TLR6: variants seen among roughly 807,000 people sequenced by gnomAD.
The protein encoded by TLR6 is toll-like receptor 6.
Under a neutral mutation model 16.1 loss-of-function variants are expected in TLR6, and 9 were observed. The observed-to-expected ratio is 0.56, with a 90% confidence interval of 0.34 to 0.98. The LOEUF (loss-of-function observed/expected upper bound fraction) is 0.98. Ranked by LOEUF, TLR6 falls within the 50% of genes least tolerant of loss-of-function variation. TLR6 has a pLI of 0.02. For synonymous variants in TLR6, 340 were observed against 338.6 expected (o/e 1.00, Z -0.04); for missense variants, 786 against 921.0 (o/e 0.85, Z 1.90).
chr4:38,824,631 T>G (rs1001765620), exon 2 of TLR6: 1 of 152,178 alleles, frequency 6.6e-6, no homozygotes, highest in African/African-American at 2.4e-5. Flanking sequence ...TTAAAAAATC[T>G]GTTCAACAGG....
At chr4:38,830,174 A>G (rs1727757529) in intron 1 of TLR6, among the ~76,000 whole-genome samples, 1 of 152,204 alleles carries the variant, frequency 6.6e-6, no homozygotes, top group Non-Finnish European at 1.5e-5. Flanking sequence ...CTGGCTAAGC[A>G]TTGAGAAAGT....
chr4:38,855,902 C>A (rs976645246), intron 1 of TLR6, among the ~76,000 whole-genome samples: 1 of 150,932 alleles, frequency 6.6e-6, no homozygotes, highest in African/African-American at 2.4e-5. Context: ...TTTTTAAATG[C>A]ATCAAATAAA....
chr4:38,858,885 AAGAG>A (rs373652925), upstream of TLR6, among the ~76,000 whole-genome samples: 16,851 of 66,902 alleles, frequency 0.25, 2,912 homozygotes, highest in African/African-American at 0.38. Context: ...GAAAGAAAGA[AAGAG>A]AGAAAGAAAG....
rs115053251 is a variant in TLR6 at position 38,832,184 on chromosome 4, A to T, written c.-64-2647T>A. On this transcript the variant is annotated intron_variant, in intron 1 of 1. Transcript: ENST00000436693. The stretch of plus-strand genomic sequence containing the variant: ...GAACAATTAAAAAATGAGCCGGAGA[A>T]GCATTAAAATGGCTGAATAGAGGCA... Among the ~76,000 whole-genome samples the T allele has an allele frequency of 6.4e-3, 970 of 152,370 alleles. 13 individuals carry two copies. Among genetic ancestry groups the T allele is most frequent in the African/African-American group, 0.022 (916 of 41,588 alleles).
At chr4:38,830,517 C>A (rs1485849256) in intron 1 of TLR6, among the ~76,000 whole-genome samples, 1 of 152,136 alleles carries the variant, frequency 6.6e-6, no homozygotes, top group East Asian at 1.9e-4. Flanking sequence ...GAGTTCAAAG[C>A]CAGCCTGCGC....
intron 1 of TLR6, among the ~76,000 whole-genome samples, chr4:38,834,276 A>G (rs1711785969): frequency 7.4e-6 from 1 of 134,518 alleles, no homozygotes; most frequent in South Asian, 2.5e-4. Flanking sequence ...AAATTAAAAA[A>G]CAGTAGACTA....
chr4:38,843,888 A>G (rs1712398844), intron 1 of TLR6: 1 of 152,256 alleles, frequency 6.6e-6, no homozygotes, highest in African/African-American at 2.4e-5. Context: ...AACCTGCCAC[A>G]CTCAAGCTTT....
At chr4:38,843,884 C>T (rs1350432828) in intron 1 of TLR6, 1 of 152,210 alleles carries the variant, frequency 6.6e-6, no homozygotes, top group Non-Finnish European at 1.5e-5. Flanking sequence ...GGCAAACCTG[C>T]CACACTCAAG....
At position 38,828,066 on chromosome 4, in the gene TLR6, C is replaced by A. The variant is rs55833598; in HGVS notation, c.1408G>T (p.Val470Leu). 1.0e-4 allele frequency: 166 copies of A among 1,614,186 alleles called. 1 individual carries two copies. In the East Asian group the frequency reaches 3.5e-3, roughly 34 times the overall value. ...AGTTCTTGCAAAGCTTCCAGTTTTACGACTTGTTTAGGAACGCTCTTTATT... is the reference window on the plus strand; with the variant it reads ...AGTTCTTGCAAAGCTTCCAGTTTTAAGACTTGTTTAGGAACGCTCTTTATT... Residue 470 changes from valine to leucine, a missense_variant, in exon 2 of 2, where the codon GTA (valine) becomes TTA (leucine). Val to Leu is a conservative substitution (Grantham distance 32). Transcript: ENST00000436693.
the TLR6 span, among the ~76,000 whole-genome samples, chr4:38,862,061 A>C: frequency 3.3e-5 from 5 of 152,252 alleles, 1 homozygote; most frequent in South Asian, 1.0e-3. Flanking sequence ...CTACCAGAGG[A>C]GCATTTCCAC....
chr4:38,828,759 T>A, exon 2 of TLR6: 4 of 1,613,748 alleles, frequency 2.5e-6, no homozygotes, highest in Non-Finnish European at 3.4e-6. Context: ...AAAAATTTAA[T>A]GAAAACTTGA....
chr4:38,857,818 A>G (rs903228136), upstream of TLR6, among the ~76,000 whole-genome samples: 2 of 152,158 alleles, frequency 1.3e-5, no homozygotes, highest in African/African-American at 4.8e-5. Flanking sequence ...AGGCCTGGGG[A>G]GGCTCAGTAA....
chr4:38,864,675 G>A, the TLR6 span, among the ~76,000 whole-genome samples: 14 of 152,112 alleles, frequency 9.2e-5, no homozygotes, highest in African/African-American at 2.4e-4. Flanking sequence ...ACAATTATAC[G>A]TGCATTTGTG....
At chr4:38,851,362 A>G (rs1712763936) in intron 1 of TLR6, among the ~76,000 whole-genome samples, 1 of 152,186 alleles carries the variant, frequency 6.6e-6, no homozygotes, top group Non-Finnish European at 1.5e-5. Context: ...TTCATATTCA[A>G]CATAGTGTTG....
intron 1 of TLR6, among the ~76,000 whole-genome samples, chr4:38,844,074 G>A (rs150786119): frequency 5.1e-4 from 78 of 152,140 alleles, no homozygotes; most frequent in African/African-American, 1.7e-3. Flanking sequence ...TTCCTTCTAC[G>A]GACTGCCACA....
At chr4:38,844,068 T>A (rs1712406900) in intron 1 of TLR6, among the ~76,000 whole-genome samples, 1 of 152,170 alleles carries the variant, frequency 6.6e-6, no homozygotes, top group Non-Finnish European at 1.5e-5. Flanking sequence ...TGAGTTTTCC[T>A]TCTACGGACT....
At chr4:38,856,109 T>C (rs1712974232) in intron 1 of TLR6, among the ~76,000 whole-genome samples, 1 of 152,156 alleles carries the variant, frequency 6.6e-6, no homozygotes, top group African/African-American at 2.4e-5. Context: ...TGGAAGGACC[T>C]GGAGGAAGGC....
At chr4:38,829,975 G>A (rs1039559) in intron 1 of TLR6, among the ~76,000 whole-genome samples, 93,936 of 152,108 alleles carry the variant, frequency 0.62, 30,349 homozygotes, top group African/African-American at 0.81. Context: ...GATATATGGA[G>A]AAAGATATGT....
intron 1 of TLR6, among the ~76,000 whole-genome samples, chr4:38,846,323 A>G (rs1288828335): frequency 6.6e-6 from 1 of 152,232 alleles, no homozygotes; most frequent in Non-Finnish European, 1.5e-5. Flanking sequence ...AAAGAGCAGA[A>G]TAGGCATTTA....
Sources: gnomAD v4.1 joint callset for allele counts (sites outside exome capture counted in the v4.1 genomes callset) on GRCh38, gnomAD v4.1.1 for gene constraint, MANE v1.5 for transcripts, NCBI Gene and HGNC (gene_info 2026-07-23, HGNC 2026-07-21) for gene names.